The following HOOK2 variants were observed in gnomAD, a reference collection of about 807,000 sequenced individuals.
The protein encoded by HOOK2 is protein Hook homolog 2.
A neutral mutation model predicts 111.9 loss-of-function variants in HOOK2; 108 were observed. The observed-to-expected ratio is 0.96, with a 90% CI of 0.83 to 1.13. HOOK2 has a LOEUF of 1.13. Ranked by LOEUF, HOOK2 falls within the 50% of genes most tolerant of loss-of-function variation. The pLI is 0.00. For missense variants in HOOK2, 978 were observed against 951.3 expected (o/e 1.03, Z -0.37); for synonymous variants, 405 against 394.3 (o/e 1.03, Z -0.32).
chr19:12,772,063 G>A (rs1469141549), intron 7 of HOOK2, 127 bp downstream of exon 7: 1 of 738,808 alleles, frequency 1.4e-6, no homozygotes, highest in East Asian at 2.7e-5. Flanking sequence ...CTGAGCATCT[G>A]TAAGTGGGGT....
At chr19:12,768,787 C>CT (rs1043503140) in intron 11 of HOOK2, among the ~76,000 whole-genome samples, 2 of 150,272 alleles carry the variant, frequency 1.3e-5, no homozygotes, top group Non-Finnish European at 3.0e-5. Context: ...TTTTCTTTTT[C>CT]TTTTTTTAAT....
rs1470817598 is a variant in HOOK2 at position 12,786,099 on chromosome 19, G to A, written n.42-11874C>T. On this transcript the variant is annotated intron_variant and non_coding_transcript_variant, in intron 3 of 3. Transcript: ENST00000589765. The surrounding 1 kb of genome is among the most constrained non-coding windows in gnomAD (Gnocchi z 4.3). Reference sequence around the variant, plus strand: ...TCCTTCCTGCTTCCAAGAAAACCTAGCAGCTTCCTCTCCAGGAGAGGGGGC... The same window carrying A: ...TCCTTCCTGCTTCCAAGAAAACCTAACAGCTTCCTCTCCAGGAGAGGGGGC... Among the ~76,000 whole-genome samples, 1 of 152,204 alleles carries A rather than the reference G, an allele frequency of 6.6e-6. No homozygotes were observed. Among genetic ancestry groups the A allele is most frequent in the Non-Finnish European group, 1.5e-5 (1 of 68,034 alleles).
upstream of HOOK2, among the ~76,000 whole-genome samples, chr19:12,780,324 C>T (rs1968586470): frequency 6.6e-6 from 1 of 152,032 alleles, no homozygotes; most frequent in Non-Finnish European, 1.5e-5. Context: ...CTATATGGGA[C>T]CTCACTTTGG....
rs375288849 is a variant in HOOK2 at position 12,764,923 on chromosome 19, G to A, written c.1724-6C>T. 1.2e-5 allele frequency: 20 copies of A among 1,613,934 alleles called. No homozygotes were observed. Among genetic ancestry groups the A allele is most frequent in the Middle Eastern group, 3.3e-4 (2 of 6,084 alleles). ...CTCCTCGATCCGCCGGGCTGCTGGC[G>A]GAAGAGGTGGCCCATCAGCTCCACG... On this transcript the variant is annotated splice_region_variant and splice_polypyrimidine_tract_variant and intron_variant, in intron 19 of 22. Coordinates refer to ENST00000397668, the MANE Select transcript of HOOK2 (RefSeq NM_013312.3).
Position 12,764,916 on chromosome 19 carries a change from T to A in HOOK2, c.1725A>T (p.Thr575=). The change falls in exon 20 of 23, where the codon ACA becomes ACT. Residue 575 remains threonine (T), a splice_region_variant and synonymous_variant. Transcript: ENST00000397668. ...GCTGCAGCTCCTCGATCCGCCGGGC[T>A]GCTGGCGGAAGAGGTGGCCCATCAG... The part of the protein sequence containing the change: ...EELEPPTDSS[T]ARRIEELQHN... 1 of 1,614,192 alleles carries A rather than the reference T, an allele frequency of 6.2e-7. No homozygotes were observed. Among genetic ancestry groups the A allele is most frequent in the Non-Finnish European group, 8.5e-7 (1 of 1,180,026 alleles).
In HOOK2 at chr19:12,763,248, G is replaced by C. The variant is rs1968047953; in HGVS notation, c.*34C>G. ...ATGTGAGCTGGAGGAAGCCAGGGTG[G>C]GTGGAGCCCAGGCTGGCTTGATTGT... On this transcript the variant is annotated 3_prime_UTR_variant, in exon 23 of 23. Coordinates refer to ENST00000397668, the MANE Select transcript of HOOK2 (RefSeq NM_013312.3). 1.2e-6 allele frequency: 2 copies of C among 1,600,086 alleles called. No homozygotes were observed. Among genetic ancestry groups the C allele is most frequent in the African/African-American group, 1.3e-5 (1 of 74,694 alleles).
chr19:12,784,205 G>A (rs934066351), intron 3 of HOOK2, among the ~76,000 whole-genome samples: 1 of 152,118 alleles, frequency 6.6e-6, no homozygotes, highest in Non-Finnish European at 1.5e-5. Context: ...CATGGCCCAG[G>A]GTGACCAGAC....
chr19:12,763,717 G>C lies in HOOK2; in HGVS notation c.1889C>G (p.Ser630Cys), dbSNP rs779023466. The C allele has an allele frequency of 6.2e-7, 1 of 1,614,234 alleles. No homozygotes were observed. Among genetic ancestry groups the C allele is most frequent in the Non-Finnish European group, 8.5e-7 (1 of 1,180,042 alleles). ...CCGTTCTCGGAGCTGTGTCCTCAGG[G>C]AATGGAGTTCTGGAGGTGCCCCCGC... ...PAAGAPPELH[S>C]LRTQLRERDV... is the part of the protein sequence containing the mutation. Residue 630 changes from serine to cysteine, a missense_variant, in exon 21 of 23, where the codon TCC becomes TGC. Transcript: ENST00000397668.
At chr19:12,766,282 C>T (rs770341561) in intron 14 of HOOK2, 42 bp from the exon 15 acceptor site, 25 of 1,495,516 alleles carry the variant, frequency 1.7e-5, no homozygotes, top group Non-Finnish European at 2.2e-5. Context: ...GGTCGAGTCA[C>T]CTCGCAGGCT....
chr19:12,763,348 G>T lies in HOOK2; in HGVS notation c.2094C>A (p.Thr698=). 2 of 1,614,176 alleles carry T rather than the reference G, an allele frequency of 1.2e-6. No individual in the cohort carries two copies. Among genetic ancestry groups the T allele is most frequent in the East Asian group, 4.5e-5 (2 of 44,884 alleles). The change falls in exon 23 of 23, where the codon ACC becomes ACA. Residue 698 remains threonine (T), a synonymous_variant. Coordinates refer to ENST00000397668, the MANE Select transcript of HOOK2 (RefSeq NM_013312.3). ...QSFLAQQRLA[T]NSRRGPLGRL... ...GTCCCAAGGGTCCACGGCGAGAATT[G>T]GTTGCCAGCCGCTGCTGTGCCAGGA...
chr19:12,766,161 GCTC>G lies in HOOK2; in HGVS notation c.1450_1452del (p.Glu484del). On this transcript the variant is annotated inframe_deletion, in exon 15 of 23. Coordinates refer to ENST00000397668, the MANE Select transcript of HOOK2 (RefSeq NM_013312.3). ...TTGGCATCCTCCAGGTGGCGCTGCA[GCTC>G]CTCCTGCCGCTCCCGGTCGGCCGCC... 2 of 1,597,062 alleles carry G rather than the reference GCTC, an allele frequency of 1.3e-6. No homozygotes were observed. Among genetic ancestry groups the G allele is most frequent in the South Asian group, 2.2e-5 (2 of 90,738 alleles).
upstream of HOOK2, among the ~76,000 whole-genome samples, chr19:12,776,554 G>A (rs554248528): frequency 1.9e-4 from 29 of 151,426 alleles, no homozygotes; most frequent in Admixed American, 9.9e-4. Context: ...GGTGGCGCAC[G>A]CCTGATTTCA....
At chr19:12,780,546 C>T (rs1230102511), upstream of HOOK2, among the ~76,000 whole-genome samples, 12 of 148,536 alleles carry the variant, frequency 8.1e-5, no homozygotes, top group East Asian at 4.1e-4. Context: ...TTAGTAGAGA[C>T]GAGGTTTCAC....
chr19:12,783,092 C>G (rs1381080700), upstream of HOOK2, among the ~76,000 whole-genome samples: 3 of 152,230 alleles, frequency 2.0e-5, no homozygotes, highest in East Asian at 5.8e-4. Context: ...CTGGCCGCAG[C>G]TGGCCTCGCT....
At chr19:12,783,768 G>A (rs901215892) in intron 3 of HOOK2, among the ~76,000 whole-genome samples, 6 of 152,192 alleles carry the variant, frequency 3.9e-5, no homozygotes, top group African/African-American at 1.4e-4. Flanking sequence ...GGTTGAGCAC[G>A]GGAGCCAGAA....
At chr19:12,779,556 A>G (rs999875141), upstream of HOOK2, among the ~76,000 whole-genome samples, 4 of 152,216 alleles carry the variant, frequency 2.6e-5, no homozygotes, top group East Asian at 5.8e-4. Flanking sequence ...GGGTTTTGCT[A>G]TGTTGCCCAG....
At position 12,772,659 on chromosome 19, in the gene HOOK2, G is replaced by A. The variant is rs112046714; in HGVS notation, c.410C>T (p.Thr137Met). 4.2e-4 allele frequency: 672 copies of A among 1,614,206 alleles called. No homozygotes were observed. The highest frequency in any genetic ancestry group is 2.8e-3 in the African/African-American group (212 of 75,070). ...KKQDHIQRIM[T>M]LEESVQHVVM... ...CACATGCTGAACCGATTCTTCCAGC[G>A]TCATGATTCTCTGGATGTGGTCTGG... Residue 137 changes from threonine to methionine, a missense_variant, in exon 6 of 23, where the codon ACG (threonine) becomes ATG (methionine). Physicochemically the swap from Thr to Met is moderately conservative, Grantham distance 81. Coordinates refer to ENST00000397668, the MANE Select transcript of HOOK2 (RefSeq NM_013312.3).
intron 3 of HOOK2, among the ~76,000 whole-genome samples, chr19:12,789,543 T>C (rs1224069049): frequency 6.6e-6 from 1 of 151,824 alleles, no homozygotes; most frequent in Non-Finnish European, 1.5e-5. Context: ...TGGGGGGTGT[T>C]GGGGACGGAG....
chr19:12,772,692 G>T lies in HOOK2; in HGVS notation c.389-12C>A. On this transcript the variant is annotated splice_polypyrimidine_tract_variant and intron_variant, in intron 5 of 22. Transcript: ENST00000397668. ...TCTCTGGATGTGGTCTGGGGATCAA[G>T]GTGGGGGAGGCTGAGACCCAGGGGT... 3 of 1,614,212 alleles carry T rather than the reference G, an allele frequency of 1.9e-6. No homozygotes were observed. Among genetic ancestry groups the T allele is most frequent in the Non-Finnish European group, 2.5e-6 (3 of 1,180,004 alleles).
Sources: allele counts gnomAD v4.1 joint callset (sites outside exome capture counted in the v4.1 genomes callset), GRCh38; gene constraint gnomAD v4.1.1; non-coding constraint Gnocchi (gnomAD v3.1); transcripts MANE v1.5; gene names NCBI Gene and HGNC (gene_info 2026-07-23, HGNC 2026-07-21).